Variants in UBE2W observed in about 807,000 individuals in gnomAD.
UBE2W encodes ubiquitin conjugating enzyme E2 W.
UBE2W carries 18 observed loss-of-function variants against 27.2 expected under a neutral mutation model. The observed-to-expected ratio is 0.66, with a 90% confidence interval of 0.46 to 0.98. The LOEUF (loss-of-function observed/expected upper bound fraction) is 0.98. UBE2W is among the 50% of genes least tolerant of loss of function. The probability of loss-of-function intolerance (pLI) is 0.00; values close to 1 mark genes in which losing one functional copy is unlikely to be tolerated. For synonymous variants in UBE2W, 53 were observed against 57.2 expected, an observed-to-expected ratio of 0.93 and a Z score of 0.33; for missense variants, 90 against 180.2, an observed-to-expected ratio of 0.50 and a Z score of 2.87.
intron 1 of UBE2W, among the ~76,000 whole-genome samples, chr8:73,844,846 C>G (rs1023927759): frequency 2.0e-5 from 3 of 151,312 alleles, no homozygotes; most frequent in Non-Finnish European, 4.4e-5. Context: ...GCCACCCCGT[C>G]TGGGAGGTGC....
intron 5 of UBE2W, among the ~76,000 whole-genome samples, chr8:73,800,581 G>A (rs1057299993): frequency 3.9e-5 from 6 of 151,990 alleles, no homozygotes; most frequent in African/African-American, 1.4e-4. Flanking sequence ...AAAGAGGAAA[G>A]GATAACTTTA....
chr8:73,832,169 C>T (rs2130911466), intron 1 of UBE2W, among the ~76,000 whole-genome samples: 1 of 144,576 alleles, frequency 6.9e-6, no homozygotes, highest in Non-Finnish European at 1.5e-5. Flanking sequence ...GGTGTAGGGG[C>T]ATGCACCTGT....
At chr8:73,823,866 C>A (rs1159652850) in intron 3 of UBE2W, among the ~76,000 whole-genome samples, 1 of 152,122 alleles carries the variant, frequency 6.6e-6, no homozygotes, top group African/African-American at 2.4e-5. Flanking sequence ...GACTTTATCT[C>A]TTCTCTTACA....
Position 73,792,445 on chromosome 8 carries a change from CTTAA to C in UBE2W, c.*1653_*1656del. The C allele has an allele frequency of 1.0e-6, 1 of 985,430 alleles. No homozygotes were observed. Among genetic ancestry groups the C allele is most frequent in the African/African-American group, 1.7e-5 (1 of 57,274 alleles). The allele number at this position is 985,430 out of a possible 1,614,324, so 61.0% of individuals were successfully genotyped here. On this transcript the variant is annotated 3_prime_UTR_variant, in exon 6 of 6. Coordinates refer to ENST00000602593, the MANE Select transcript of UBE2W (RefSeq NM_018299.6). The stretch of plus-strand genomic sequence containing the variant: ...TACTTTGAGTGTAAAATTATATGCC[CTTAA>C]TTAACAACATGTACAAAGCTACAAA...
rs565220868 is a variant in UBE2W at position 73,840,068 on chromosome 8, T to C, written c.16-9596A>G. On this transcript the variant is annotated intron_variant, in intron 1 of 5. Transcript: ENST00000602593. Reference sequence around the variant, plus strand: ...TCATTCATTTTTCTTTTCTTTTTTTTCCCCCCAAGAAGGAGTCTTGCTCTG... The same window carrying C: ...TCATTCATTTTTCTTTTCTTTTTTTCCCCCCCAAGAAGGAGTCTTGCTCTG... Among the ~76,000 whole-genome samples the C allele has an allele frequency of 4.7e-4, 71 of 149,990 alleles. No individual in the cohort carries two copies. The South Asian group carries it at 0.012, about 26-fold the overall frequency.
intron 1 of UBE2W, among the ~76,000 whole-genome samples, chr8:73,863,951 C>CA (rs11410266): frequency 0.14 from 16,766 of 119,486 alleles, 3,013 homozygotes; most frequent in African/African-American, 0.43. Flanking sequence ...AAAAACAAAC[C>CA]AAAAAAAAAA....
At chr8:73,829,716 T>C (rs1003218610) in intron 2 of UBE2W, among the ~76,000 whole-genome samples, 8 of 152,186 alleles carry the variant, frequency 5.3e-5, no homozygotes, top group Admixed American at 4.6e-4. Flanking sequence ...GTAAGTTATA[T>C]GAATTTTGGT....
chr8:73,843,339 TA>T (rs1378091220), intron 1 of UBE2W, among the ~76,000 whole-genome samples: 2 of 152,168 alleles, frequency 1.3e-5, no homozygotes, highest in African/African-American at 4.8e-5. Context: ...TACATCTAAA[TA>T]AAAATTTTTT....
In UBE2W at chr8:73,874,530, T is replaced by C. The variant is rs191401069; in HGVS notation, c.15+4278A>G. 3.3e-4 allele frequency among the ~76,000 whole-genome samples: 50 copies of C among 152,324 alleles called. 1 individual carries two copies. In the East Asian group the frequency reaches 3.7e-3, roughly 11 times the overall value. On this transcript the variant is annotated intron_variant, in intron 1 of 5. Coordinates refer to ENST00000602593, the MANE Select transcript of UBE2W (RefSeq NM_018299.6). ...TGAGAAAAGAATACCTCAATACTGC[T>C]ACACTTTCAAAAATGTTTAGAATCA...
At chr8:73,871,687 T>C (rs373919865) in intron 1 of UBE2W, among the ~76,000 whole-genome samples, 1 of 152,198 alleles carries the variant, frequency 6.6e-6, no homozygotes, top group African/African-American at 2.4e-5. Context: ...ATTTTGCAGA[T>C]ACTACTCATA....
At chr8:73,842,695 C>T (rs933808684) in intron 1 of UBE2W, among the ~76,000 whole-genome samples, 1 of 151,932 alleles carries the variant, frequency 6.6e-6, no homozygotes, top group African/African-American at 2.4e-5. Flanking sequence ...TATAAATGCA[C>T]ACAAAGGACC....
At position 73,786,884 on chromosome 8, in the gene UBE2W, A is replaced by T. The variant is rs937539192; in HGVS notation, c.*7218T>A. The T allele has an allele frequency of 4.1e-6, 4 of 985,272 alleles. No homozygotes were observed. In the Admixed American group the frequency reaches 2.5e-4, roughly 61 times the overall value. The allele number at this position is 985,272 out of a possible 1,614,324, so 61.0% of individuals were successfully genotyped here. A position where few individuals can be genotyped will look rare whatever the true frequency, so the allele number is the denominator to read the frequency against. On this transcript the variant is annotated 3_prime_UTR_variant, in exon 6 of 6. Coordinates refer to ENST00000602593, the MANE Select transcript of UBE2W (RefSeq NM_018299.6). The stretch of plus-strand genomic sequence containing the variant: ...TGTCATTAAATTATAACAGGATAAA[A>T]GAAATATGTTTTCATTGAGGTATGG...
chr8:73,795,843 A>T (rs776045886), intron 5 of UBE2W: 11 of 919,304 alleles, frequency 1.2e-5, no homozygotes, highest in Non-Finnish European at 1.4e-5. Flanking sequence ...GCATTTGGGG[A>T]GGCTGAGGTG....
chr8:73,874,122 G>GA (rs1192668104), intron 1 of UBE2W, among the ~76,000 whole-genome samples: 2 of 152,040 alleles, frequency 1.3e-5, no homozygotes, highest in Admixed American at 6.6e-5. Context: ...ACATAGGAAA[G>GA]AAAAAAGGTT....
chr8:73,876,861 G>A (rs998623220), intron 1 of UBE2W, among the ~76,000 whole-genome samples: 28 of 152,178 alleles, frequency 1.8e-4, no homozygotes, highest in African/African-American at 6.8e-4. Context: ...CAGCTACTCA[G>A]GAGGCTGAGG....
chr8:73,794,764 G>A (rs747580483), intron 5 of UBE2W, among the ~76,000 whole-genome samples: 2 of 150,416 alleles, frequency 1.3e-5, no homozygotes, highest in African/African-American at 4.9e-5. Flanking sequence ...TTAGCTGGGC[G>A]TCGTGGCACA....
chr8:73,867,395 C>T (rs1811821772), intron 1 of UBE2W, among the ~76,000 whole-genome samples: 1 of 151,702 alleles, frequency 6.6e-6, no homozygotes, highest in Admixed American at 6.6e-5. Context: ...ATTAGCTGGG[C>T]ATGGTGGCAC....
intron 1 of UBE2W, among the ~76,000 whole-genome samples, chr8:73,860,614 T>C (rs1284137433): frequency 1.3e-5 from 2 of 152,190 alleles, no homozygotes; most frequent in African/African-American, 4.8e-5. Context: ...AAAAAGTATG[T>C]ACAGCTGTGA....
chr8:73,792,536 G>T lies in UBE2W; in HGVS notation c.*1566C>A. 1.0e-6 allele frequency: 1 copy of T among 985,552 alleles called. No homozygotes were observed. The highest frequency in any genetic ancestry group is 1.2e-6 in the Non-Finnish European group (1 of 829,764). 61.1% of individuals were successfully genotyped at this position (985,552 alleles called of 1,614,324 possible). A position where few individuals can be genotyped will look rare whatever the true frequency, so the allele number is the denominator to read the frequency against. On this transcript the variant is annotated 3_prime_UTR_variant, in exon 6 of 6. Transcript: ENST00000602593. The stretch of plus-strand genomic sequence containing the variant: ...TTATTTACCAATTATTGATTGAATG[G>T]TTTTACTGGGGTACGTATTTCAAAC...
Sources: gnomAD v4.1 joint callset for allele counts (sites outside exome capture counted in the v4.1 genomes callset) on GRCh38, gnomAD v4.1.1 for gene constraint, MANE v1.5 for transcripts, NCBI Gene and HGNC (gene_info 2026-07-23, HGNC 2026-07-21) for gene names.